Variants in THOC2 observed in about 807,000 individuals in gnomAD.
The protein encoded by THOC2 is THO complex 2.
THOC2 carries 10 observed loss-of-function variants against 128.4 expected under a neutral mutation model. The observed-to-expected ratio is 0.08, with a 90% confidence interval of 0.05 to 0.13. The LOEUF is 0.13. Among genes scored for constraint, THOC2 ranks in the 10% least tolerant of loss-of-function variants. The pLI, the probability that THOC2 is intolerant of heterozygous loss-of-function variation, is 1.00. For synonymous variants in THOC2, 393 were observed against 396.9 expected (o/e 0.99, Z 0.12); for missense variants, 535 against 1,155.7 (o/e 0.46, Z 7.79).
intron 3 of THOC2, among the ~76,000 whole-genome samples, chrX:123,703,890 T>TAAAAAA (rs774877149): frequency 1.1e-4 from 4 of 37,005 alleles, no homozygotes; most frequent in East Asian, 1.0e-3. Context: ...ACTCTGTCTT[T>TAAAAAA]AAAAAAAAAA....
At chrX:123,601,377 G>GA (rs946939446) in intron 38 of THOC2, 39 bp from the exon 39 acceptor site, 4 of 106,769 alleles carry the variant, frequency 3.7e-5, no homozygotes, top group African/African-American at 1.4e-4. Flanking sequence ...AGAGAAGAAG[G>GA]AAGGAAGGAA....
chrX:123,638,248 C>T, intron 17 of THOC2, 125 bp from the exon 18 acceptor site: 1 of 413,775 alleles, frequency 2.4e-6, no homozygotes, highest in Non-Finnish European at 4.1e-6. Context: ...TTTTCCAAGA[C>T]CAGGGATGTT....
chrX:123,676,082 T>C (rs1348115489), intron 8 of THOC2, among the ~76,000 whole-genome samples: 1 of 112,600 alleles, frequency 8.9e-6, no homozygotes, highest in African/African-American at 3.2e-5. Context: ...ATGGTATATA[T>C]GACAACTTTG....
intron 8 of THOC2, among the ~76,000 whole-genome samples, chrX:123,682,021 G>A (rs928121259): frequency 8.9e-6 from 1 of 111,738 alleles, no homozygotes; most frequent in Non-Finnish European, 1.9e-5. Context: ...ATTGCGCCAT[G>A]CGCTCCAGCC....
intron 1 of THOC2, among the ~76,000 whole-genome samples, chrX:123,725,682 A>G (rs968164531): frequency 3.8e-4 from 42 of 109,866 alleles, no homozygotes; most frequent in African/African-American, 1.2e-3. Context: ...TAAACCTAAC[A>G]TAAGTTTATC....
intron 1 of THOC2, among the ~76,000 whole-genome samples, chrX:123,717,533 C>G: frequency 9.0e-6 from 1 of 110,806 alleles, no homozygotes; most frequent in Non-Finnish European, 1.9e-5. Context: ...CTGAAGATGA[C>G]AAATAAATGA....
intron 11 of THOC2, among the ~76,000 whole-genome samples, chrX:123,666,877 A>C (rs956268188): frequency 6.2e-5 from 7 of 112,169 alleles, no homozygotes; most frequent in African/African-American, 2.3e-4. Flanking sequence ...TCTAACTTGT[A>C]GTTTTCAGAC....
chrX:123,645,842 G>C (rs1436995476), intron 12 of THOC2, among the ~76,000 whole-genome samples: 1 of 111,077 alleles, frequency 9.0e-6, no homozygotes, highest in Admixed American at 9.6e-5. Flanking sequence ...CACACCTGTA[G>C]TCCCAGCTAC....
At chrX:123,607,543 A>T (rs1177450455) in intron 38 of THOC2, among the ~76,000 whole-genome samples, 1 of 109,062 alleles carries the variant, frequency 9.2e-6, no homozygotes, top group African/African-American at 3.3e-5. Context: ...GCCTCAAGCA[A>T]TCCTCTTGCC....
At chrX:123,687,183 TGG>T (rs2050034831) in intron 7 of THOC2, among the ~76,000 whole-genome samples, 1 of 111,975 alleles carries the variant, frequency 8.9e-6, no homozygotes, top group Non-Finnish European at 1.9e-5. Flanking sequence ...TTCACAAAAG[TGG>T]ACCATCATTT....
chrX:123,663,223 G>A (rs910305292), intron 12 of THOC2, among the ~76,000 whole-genome samples: 7 of 111,626 alleles, frequency 6.3e-5, no homozygotes, highest in East Asian at 5.5e-4. Context: ...ACTCTGGTAC[G>A]TCTATGTAAT....
intron 25 of THOC2, 83 bp downstream of exon 25, chrX:123,625,829 T>A: frequency 9.9e-7 from 1 of 1,014,936 alleles, no homozygotes. Context: ...GCTTTTTAAC[T>A]AAACACACAA....
chrX:123,701,626 T>C lies in THOC2; in HGVS notation c.274+1828A>G, dbSNP rs754965448. Among the ~76,000 whole-genome samples the C allele has an allele frequency of 1.6e-3, 178 of 109,947 alleles. 1 individual carries two copies. The highest frequency in any genetic ancestry group is 5.3e-3 in the African/African-American group (161 of 30,154). Reference sequence around the variant, plus strand: ...CAAAATGTTACCTACACATCAGTCTTACAGTCTTACAAATTTATAGTAAAA... The same window carrying C: ...CAAAATGTTACCTACACATCAGTCTCACAGTCTTACAAATTTATAGTAAAA... On this transcript the variant is annotated intron_variant, in intron 4 of 38. Transcript: ENST00000245838.
chrX:123,623,938 T>C lies in THOC2; in HGVS notation c.3352A>G (p.Thr1118Ala). Reference protein sequence around the residue: ...SVHCLETGEYTHIRNILIVLT... With the variant: ...SVHCLETGEYAHIRNILIVLT... ...ACAATCAAGATATTCCTGATGTGAGTATATTCGCCTGTTTCAAGGCAATGT... is the reference window on the plus strand; with the variant it reads ...ACAATCAAGATATTCCTGATGTGAGCATATTCGCCTGTTTCAAGGCAATGT... The change falls in exon 28 of 39, where the codon ACT (threonine) becomes GCT (alanine). Residue 1118 changes from threonine to alanine, a missense_variant. Thr to Ala is a moderately conservative substitution (Grantham distance 58, BLOSUM62 0). Around this residue, in one of 9 missense-constraint regions of THOC2, gnomAD observed 20 missense variants for 67.0 expected, o/e 0.30. Transcript: ENST00000245838. 1 of 1,202,914 alleles carries C rather than the reference T, an allele frequency of 8.3e-7. No homozygotes were observed. Among genetic ancestry groups the C allele is most frequent in the Non-Finnish European group, 1.1e-6 (1 of 892,363 alleles).
intron 26 of THOC2, 144 bp from the exon 27 acceptor site, chrX:123,624,335 T>C: frequency 2.8e-6 from 2 of 713,353 alleles, no homozygotes; most frequent in South Asian, 7.2e-5. Context: ...GTTCAACTTA[T>C]ACAAAGATAC....
At chrX:123,695,963 C>T (rs2050432510) in intron 7 of THOC2, 58 bp downstream of exon 7, 2 of 844,137 alleles carry the variant, frequency 2.4e-6, no homozygotes, top group African/African-American at 4.2e-5. Context: ...GGATATTCTC[C>T]AATAGCTAAA....
In THOC2 at chrX:123,621,511, T is replaced by C. The variant is rs1398673737; in HGVS notation, c.3862A>G (p.Thr1288Ala). The change falls in exon 31 of 39, where the codon ACT becomes GCT. Residue 1288 changes from threonine to alanine, a missense_variant. Transcript: ENST00000245838. ...EKEKKEKTPA[T>A]TPEARVLGKD... Reference sequence around the variant, plus strand: ...CCAAGTACCCTGGCCTCTGGAGTAGTAGCTGGAGTCTTTTCTTTTTTCTCT... The same window carrying C: ...CCAAGTACCCTGGCCTCTGGAGTAGCAGCTGGAGTCTTTTCTTTTTTCTCT... The C allele has an allele frequency of 3.4e-6, 4 of 1,193,499 alleles. No homozygotes were observed. The highest frequency in any genetic ancestry group is 4.5e-6 in the Non-Finnish European group (4 of 890,152).
chrX:123,616,673 G>GTT (rs749251204), intron 33 of THOC2, among the ~76,000 whole-genome samples: 8 of 96,135 alleles, frequency 8.3e-5, no homozygotes, highest in Admixed American at 4.5e-4. Context: ...CCTGTTTTTT[G>GTT]TTTTTTTTTT....
chrX:123,677,586 T>C (rs1315423232), intron 8 of THOC2, among the ~76,000 whole-genome samples: 1 of 111,798 alleles, frequency 8.9e-6, no homozygotes, highest in African/African-American at 3.2e-5. Flanking sequence ...TAAGATTTGC[T>C]GGACAGGCAC....
Sources: allele counts gnomAD v4.1 joint callset (sites outside exome capture counted in the v4.1 genomes callset), GRCh38; gene constraint gnomAD v4.1.1; regional missense constraint gnomAD v4.1.1; transcripts MANE v1.5; gene names NCBI Gene and HGNC (gene_info 2026-07-23, HGNC 2026-07-21).